Variants in BLTP2 observed in about 807,000 individuals in gnomAD.
BLTP2 encodes U937-associated antigen.
At chr17:28,637,901 G>A in the BLTP2 span, 1 of 1,614,166 alleles carries the variant, frequency 6.2e-7, no homozygotes, top group South Asian at 1.1e-5. Context: ...CCACAGTAAT[G>A]ACACAGATTC....
At chr17:28,624,063 C>G in the BLTP2 span, 1 of 1,402,274 alleles carries the variant, frequency 7.1e-7, no homozygotes, top group Non-Finnish European at 9.9e-7. Context: ...TGCTGGCTTA[C>G]CAAGTAAATT....
chr17:28,630,714 C>T, the BLTP2 span, among the ~76,000 whole-genome samples: 2 of 150,754 alleles, frequency 1.3e-5, no homozygotes, highest in African/African-American at 4.9e-5. Context: ...GAACTCCTGA[C>T]TTCAAATGAT....
At chr17:28,638,025 G>A in the BLTP2 span, 10 of 1,614,186 alleles carry the variant, frequency 6.2e-6, no homozygotes, top group South Asian at 2.2e-5. Context: ...TGAAGTCCTC[G>A]AATGGTACAA....
At chr17:28,632,220 A>C in the BLTP2 span, 1 of 1,601,646 alleles carries the variant, frequency 6.2e-7, no homozygotes, top group African/African-American at 1.3e-5. Context: ...TATATAGCAG[A>C]ATTCGGGGCT....
At chr17:28,629,288 G>A in the BLTP2 span, among the ~76,000 whole-genome samples, 2 of 148,270 alleles carry the variant, frequency 1.3e-5, no homozygotes, top group Admixed American at 1.3e-4. Context: ...AGGCTGAAGT[G>A]CAGTGGTGTG....
At chr17:28,618,990 G>A in the BLTP2 span, 1 of 1,605,862 alleles carries the variant, frequency 6.2e-7, no homozygotes, top group South Asian at 1.1e-5. Context: ...GGACAGGGGA[G>A]CCAAAGCCAG....
chr17:28,631,321 C>T, the BLTP2 span, among the ~76,000 whole-genome samples: 1 of 152,260 alleles, frequency 6.6e-6, no homozygotes, highest in East Asian at 1.9e-4. Context: ...CCCAACCATG[C>T]GGGCACCGTG....
At chr17:28,636,302 G>A in the BLTP2 span, among the ~76,000 whole-genome samples, 1 of 152,128 alleles carries the variant, frequency 6.6e-6, no homozygotes, top group Non-Finnish European at 1.5e-5. Flanking sequence ...TCCTAAGAGG[G>A]TCCCATGTCC....
At chr17:28,643,060 G>A in the BLTP2 span, 2 of 1,533,542 alleles carry the variant, frequency 1.3e-6, no homozygotes, top group Non-Finnish European at 1.8e-6. Flanking sequence ...TGAGAAAGAG[G>A]GGCAGCTCTT....
the BLTP2 span, chr17:28,637,118 C>T: frequency 3.7e-6 from 6 of 1,614,050 alleles, no homozygotes; most frequent in African/African-American, 2.7e-5. Context: ...CCACAGTGGA[C>T]GTCTCTGCAC....
the BLTP2 span, chr17:28,617,138 T>A: frequency 4.1e-6 from 5 of 1,233,052 alleles, no homozygotes; most frequent in Non-Finnish European, 3.5e-6. Context: ...GATCACCACA[T>A]TGTTTTCCAT....
the BLTP2 span, chr17:28,639,282 G>C: frequency 6.2e-7 from 1 of 1,611,908 alleles, no homozygotes; most frequent in Non-Finnish European, 8.5e-7. Flanking sequence ...GAATCCAACT[G>C]ACAAGAAGGT....
the BLTP2 span, chr17:28,637,256 T>A: frequency 9.7e-7 from 1 of 1,028,218 alleles, no homozygotes; most frequent in Non-Finnish European, 1.5e-6. Flanking sequence ...CTTATTCCCT[T>A]AACTATCTTT....
chr17:28,633,720 G>T, the BLTP2 span: 17 of 1,613,882 alleles, frequency 1.1e-5, no homozygotes, highest in East Asian at 3.8e-4. Flanking sequence ...CCCAGCATGG[G>T]CCCCACACCA....
chr17:28,633,347 G>A, the BLTP2 span: 5 of 1,613,862 alleles, frequency 3.1e-6, no homozygotes, highest in African/African-American at 6.7e-5. Flanking sequence ...GGTTTCCAAT[G>A]AAAAGACAGG....
the BLTP2 span, among the ~76,000 whole-genome samples, chr17:28,629,292 T>A: frequency 6.7e-6 from 1 of 148,310 alleles, no homozygotes; most frequent in Non-Finnish European, 1.5e-5. Context: ...TGAAGTGCAG[T>A]GGTGTGATTT....
the BLTP2 span, chr17:28,634,450 T>TC: frequency 7.3e-7 from 1 of 1,362,440 alleles, no homozygotes; most frequent in Non-Finnish European, 9.8e-7. Context: ...TCCTCTGAAA[T>TC]CACTGAGAGC....
At chr17:28,617,974 C>T in the BLTP2 span, among the ~76,000 whole-genome samples, 2 of 148,478 alleles carry the variant, frequency 1.3e-5, no homozygotes, top group Non-Finnish European at 3.0e-5. Context: ...TGCTCTGTCA[C>T]CAGGCTGCAG....
At chr17:28,615,028 GTCAGAT>G in the BLTP2 span, 23 of 1,582,592 alleles carry the variant, frequency 1.5e-5, no homozygotes, top group Admixed American at 4.0e-4. Context: ...CTGAGCCAGA[GTCAGAT>G]CCTGTACTGC....
Sources: gnomAD v4.1 joint callset for allele counts (sites outside exome capture counted in the v4.1 genomes callset) on GRCh38, gnomAD v4.1.1 for gene constraint, MANE v1.5 for transcripts, NCBI Gene and HGNC (gene_info 2026-07-23, HGNC 2026-07-21) for gene names.